Variants in RAB2A observed in about 807,000 individuals in gnomAD.
The protein encoded by RAB2A is RAB2A, member RAS oncogene family.
Under a neutral mutation model 32.5 loss-of-function variants are expected in RAB2A, and 7 were observed. The ratio of observed to expected loss-of-function variants is 0.22; its 90% CI spans 0.12 to 0.40. The LOEUF (loss-of-function observed/expected upper bound fraction) is 0.40, where lower values mean the gene tolerates loss of function less well. RAB2A is among the 10% of genes least tolerant of loss of function. The probability of loss-of-function intolerance (pLI) is 1.00; values close to 1 mark genes in which losing one functional copy is unlikely to be tolerated. For synonymous variants in RAB2A, 79 were observed against 85.2 expected (o/e 0.93, Z 0.40); for missense variants, 108 against 260.7 (o/e 0.41, Z 4.03).
chr8:60,578,845 G>A (rs1803685851), intron 3 of RAB2A, among the ~76,000 whole-genome samples: 1 of 152,046 alleles, frequency 6.6e-6, no homozygotes, highest in Admixed American at 6.5e-5. Context: ...TTAAAATTAT[G>A]GTGCAAAGGA....
At chr8:60,520,207 A>G (rs1349095705) in intron 1 of RAB2A, among the ~76,000 whole-genome samples, 1 of 152,236 alleles carries the variant, frequency 6.6e-6, no homozygotes, top group Non-Finnish European at 1.5e-5. Context: ...CTTTAATAGA[A>G]GAGGTTTTAA....
chr8:60,518,772 G>A (rs1368147841), intron 1 of RAB2A, among the ~76,000 whole-genome samples: 1 of 152,070 alleles, frequency 6.6e-6, no homozygotes, highest in Non-Finnish European at 1.5e-5. Context: ...TTGGAAGAAG[G>A]AGAATTCTAA....
intron 5 of RAB2A, 92 bp from the exon 6 acceptor site, chr8:60,591,766 T>C: frequency 2.6e-6 from 2 of 774,382 alleles, no homozygotes; most frequent in South Asian, 3.6e-5. Flanking sequence ...AGAATGGTCA[T>C]CACAACTTTG....
chr8:60,620,750 C>A lies in RAB2A; in HGVS notation c.620C>A (p.Ala207Asp). 6.2e-7 allele frequency: 1 copy of A among 1,613,356 alleles called. No individual in the cohort carries two copies. The highest frequency in any genetic ancestry group is 8.5e-7 in the Non-Finnish European group (1 of 1,179,800). Reference protein sequence around the residue: ...THAGNQGGQQAGGGCC With the variant: ...THAGNQGGQQDGGGCC ...GCAGGCAATCAGGGAGGACAGCAGG[C>A]TGGGGGCGGCTGCTGTTGAGTCTGT... Residue 207 changes from alanine (A) to aspartate (D), a missense_variant, in exon 8 of 8, where the codon GCT becomes GAT. Coordinates refer to ENST00000262646, the MANE Select transcript of RAB2A (RefSeq NM_002865.3).
intron 1 of RAB2A, among the ~76,000 whole-genome samples, chr8:60,537,883 T>C (rs1174533344): frequency 2.6e-5 from 4 of 152,060 alleles, no homozygotes; most frequent in African/African-American, 9.7e-5. Context: ...TCTCACTAGG[T>C]GGCCCCAACT....
Position 60,517,185 on chromosome 8 carries a change from C to T in RAB2A, c.-23C>T. 1 of 1,486,940 alleles carries T rather than the reference C, an allele frequency of 6.7e-7. No homozygotes were observed. The highest frequency in any genetic ancestry group is 9.0e-7 in the Non-Finnish European group (1 of 1,117,020). 92.1% of individuals were successfully genotyped at this position (1,486,940 alleles called of 1,614,324 possible). A position where few individuals can be genotyped will look rare whatever the true frequency, so the allele number is the denominator to read the frequency against. On this transcript the variant is annotated 5_prime_UTR_variant, in exon 1 of 8. Coordinates refer to ENST00000262646, the MANE Select transcript of RAB2A (RefSeq NM_002865.3). ...AGCAGCGGGAGGAGGAGCCGTGTGC[C>T]CTGGCACTGAGCGGCCGCGGCCATG...
At chr8:60,566,247 G>A (rs1358774683) in intron 2 of RAB2A, among the ~76,000 whole-genome samples, 1 of 152,168 alleles carries the variant, frequency 6.6e-6, no homozygotes, top group Non-Finnish European at 1.5e-5. Context: ...GTATCAAAGT[G>A]CGCATTCCTC....
At chr8:60,561,995 A>C (rs1430934133) in intron 2 of RAB2A, among the ~76,000 whole-genome samples, 1 of 152,048 alleles carries the variant, frequency 6.6e-6, no homozygotes, top group Non-Finnish European at 1.5e-5. Context: ...ACTTTTCCCT[A>C]ACACGTATAG....
At chr8:60,555,581 A>G (rs1807925421) in intron 1 of RAB2A, among the ~76,000 whole-genome samples, 1 of 152,214 alleles carries the variant, frequency 6.6e-6, no homozygotes, top group Admixed American at 6.5e-5. Context: ...AAGATACACA[A>G]ATGGCCATCA....
rs199581780 is a variant in RAB2A at position 60,591,925 on chromosome 8, A to G, written c.430A>G (p.Ile144Val). ...GEAFAREHGL[I>V]FMETSAKTAS... is the part of the protein sequence containing the mutation. ...AGCTTTTGCACGAGAACATGGACTC[A>G]TCTTCATGGAAACGTCTGCTAAGAC... Residue 144 changes from isoleucine (I) to valine (V), a missense_variant, in exon 6 of 8, where the codon ATC (isoleucine) becomes GTC (valine). Transcript: ENST00000262646. 2.6e-5 allele frequency: 42 copies of G among 1,612,918 alleles called. No homozygotes were observed. Among genetic ancestry groups the G allele is most frequent in the Non-Finnish European group, 2.7e-5 (32 of 1,179,252 alleles).
At chr8:60,564,451 C>T (rs1808073714) in intron 2 of RAB2A, among the ~76,000 whole-genome samples, 1 of 152,144 alleles carries the variant, frequency 6.6e-6, no homozygotes, top group Non-Finnish European at 1.5e-5. Flanking sequence ...CCTTTTCTCT[C>T]ATATTAGCAA....
chr8:60,598,580 G>A (rs1001677575), intron 6 of RAB2A, among the ~76,000 whole-genome samples: 2 of 152,036 alleles, frequency 1.3e-5, no homozygotes, highest in African/African-American at 4.8e-5. Context: ...TGGCCACATG[G>A]GGTTTATTCC....
rs1321324253 is a variant in RAB2A, at chr8:60,517,243, C to T, written c.36C>T (p.Ile12=). Residue 12 remains isoleucine, a synonymous_variant, in exon 1 of 8, where the codon ATC becomes ATT. Coordinates refer to ENST00000262646, the MANE Select transcript of RAB2A (RefSeq NM_002865.3). Reference sequence around the variant, plus strand: ...CCTATCTCTTCAAGTACATCATAATCGGCGACACAGGTGAGGGCCCCGGGC... The same window carrying T: ...CCTATCTCTTCAAGTACATCATAATTGGCGACACAGGTGAGGGCCCCGGGC... ...AYAYLFKYII[I]GDTGVGKSCL... 6.7e-7 allele frequency: 1 copy of T among 1,489,224 alleles called. No homozygotes were observed. The highest frequency in any genetic ancestry group is 8.9e-7 in the Non-Finnish European group (1 of 1,118,366). 92.3% of individuals were successfully genotyped at this position (1,489,224 alleles called of 1,614,324 possible). A position where few individuals can be genotyped will look rare whatever the true frequency, so the allele number is the denominator to read the frequency against.
At chr8:60,528,280 G>A (rs186092845) in intron 1 of RAB2A, among the ~76,000 whole-genome samples, 2 of 152,248 alleles carry the variant, frequency 1.3e-5, no homozygotes, top group African/African-American at 4.8e-5. Flanking sequence ...TCTTTGTGTC[G>A]TTATCTATAA....
At chr8:60,565,023 C>G (rs765048235) in intron 2 of RAB2A, among the ~76,000 whole-genome samples, 14 of 152,328 alleles carry the variant, frequency 9.2e-5, no homozygotes, top group Non-Finnish European at 2.1e-4. Context: ...ACATTTATTT[C>G]ACTACCTACA....
At chr8:60,585,609 G>A (rs141277753) in intron 5 of RAB2A, among the ~76,000 whole-genome samples, 80 of 152,198 alleles carry the variant, frequency 5.3e-4, no homozygotes, top group African/African-American at 1.5e-3. Context: ...CACCACACCC[G>A]GCCCATTCAT....
chr8:60,540,913 A>G (rs1807634332), intron 1 of RAB2A, among the ~76,000 whole-genome samples: 1 of 152,236 alleles, frequency 6.6e-6, no homozygotes, highest in African/African-American at 2.4e-5. Flanking sequence ...TCCTTATGTG[A>G]AAACTCTGGG....
At chr8:60,551,214 T>C (rs552410110) in intron 1 of RAB2A, among the ~76,000 whole-genome samples, 3 of 152,250 alleles carry the variant, frequency 2.0e-5, no homozygotes, top group Non-Finnish European at 4.4e-5. Context: ...CTCCCTCTTC[T>C]GTATACATGT....
At chr8:60,541,399 A>T (rs1298586027) in intron 1 of RAB2A, among the ~76,000 whole-genome samples, 1 of 152,204 alleles carries the variant, frequency 6.6e-6, no homozygotes, top group Non-Finnish European at 1.5e-5. Flanking sequence ...TAAGGGAGTT[A>T]AAGGTAAAGA....
Sources: allele counts gnomAD v4.1 joint callset (sites outside exome capture counted in the v4.1 genomes callset), GRCh38; gene constraint gnomAD v4.1.1; transcripts MANE v1.5; gene names NCBI Gene and HGNC (gene_info 2026-07-23, HGNC 2026-07-21).